The following DYNC1H1 variants were observed in gnomAD, a reference collection of about 807,000 sequenced individuals.
DYNC1H1 encodes cytoplasmic dynein 1 heavy chain 1.
Under a neutral mutation model 527.1 loss-of-function variants are expected in DYNC1H1, and 51 were observed. That is an observed-to-expected ratio of 0.10 (90% CI 0.08 to 0.12). The LOEUF (loss-of-function observed/expected upper bound fraction) is 0.12. Ranked by LOEUF, DYNC1H1 falls within the 10% of genes least tolerant of loss-of-function variation. The pLI is 1.00. For synonymous variants in DYNC1H1, 2,189 were observed against 2,278.8 expected, an observed-to-expected ratio of 0.96 and a Z score of 1.12; for missense variants, 2,771 against 5,971.8, an observed-to-expected ratio of 0.46 and a Z score of 17.66.
chr14:102,020,238 G>T lies in DYNC1H1; in HGVS notation c.8507+182G>T, dbSNP rs1334708393. Among the ~76,000 whole-genome samples, 4 of 152,230 alleles carry T rather than the reference G, an allele frequency of 2.6e-5. No individual in the cohort carries two copies. The South Asian group carries it at 6.2e-4, about 24-fold the overall frequency. On this transcript the variant is annotated intron_variant, in intron 42 of 77. Coordinates refer to ENST00000360184, the MANE Select transcript of DYNC1H1 (RefSeq NM_001376.5). The surrounding 1 kb of genome is among the most constrained non-coding windows in gnomAD (Gnocchi z 4.3). ...TGGACACTGGTCACAGTTGCCCCAG[G>T]GTAACAAAGTCACAGTGCGCTGAAT...
intron 23 of DYNC1H1, among the ~76,000 whole-genome samples, chr14:102,003,835 A>G (rs1309227326): frequency 1.3e-5 from 2 of 152,126 alleles, no homozygotes; most frequent in Non-Finnish European, 2.9e-5. Flanking sequence ...CTGTGGCTAG[A>G]GAATCTCTTG....
intron 69 of DYNC1H1, chr14:102,043,394 G>T: frequency 3.8e-6 from 1 of 265,358 alleles, no homozygotes; most frequent in African/African-American, 2.2e-5. Context: ...TGATTATGGG[G>T]TGTGATGAGG....
At position 102,044,927 on chromosome 14, in the gene DYNC1H1, C is replaced by T; in HGVS notation, c.13006+229C>T. Reference sequence around the variant, plus strand: ...GGAAAGAACTGGCTCTTCTCTGCAGCATCAACTCAGTTCTAGAGAAAAGGC... The same window carrying T: ...GGAAAGAACTGGCTCTTCTCTGCAGTATCAACTCAGTTCTAGAGAAAAGGC... On this transcript the variant is annotated intron_variant, in intron 72 of 77. Coordinates refer to ENST00000360184, the MANE Select transcript of DYNC1H1 (RefSeq NM_001376.5). The surrounding 1 kb of genome is among the most constrained non-coding windows in gnomAD (Gnocchi z 7.1). 1.7e-6 allele frequency: 1 copy of T among 590,916 alleles called. No homozygotes were observed. Among genetic ancestry groups the T allele is most frequent in the South Asian group, 2.0e-5 (1 of 50,870 alleles). 36.6% of individuals were successfully genotyped at this position (590,916 alleles called of 1,614,324 possible). A position where few individuals can be genotyped will look rare whatever the true frequency, so the allele number is the denominator to read the frequency against.
chr14:102,018,567 A>G lies in DYNC1H1; in HGVS notation c.8294A>G (p.Tyr2765Cys). 1 of 1,614,106 alleles carries G rather than the reference A, an allele frequency of 6.2e-7. No homozygotes were observed. The highest frequency in any genetic ancestry group is 8.5e-7 in the Non-Finnish European group (1 of 1,180,038). Residue 2765 changes from tyrosine (Y) to cysteine (C), a missense_variant, in exon 41 of 78, where the codon TAT becomes TGT. Transcript: ENST00000360184. This position sits in a 1 kb window ranked among gnomAD's most constrained non-coding sequence, Gnocchi z 5.2. ...MLRLIPSLRT[Y>C]AEPLTAAMVE... The stretch of plus-strand genomic sequence containing the variant: ...AGGCTCATTCCATCCCTGCGGACGT[A>G]TGCAGAGCCGCTCACTGCTGCCATG...
rs759084942 is a variant in DYNC1H1 at position 102,042,180 on chromosome 14, A to G, written c.12215-48A>G. On this transcript the variant is annotated intron_variant, in intron 66 of 77. Transcript: ENST00000360184. This position sits in a 1 kb window ranked among gnomAD's most constrained non-coding sequence, Gnocchi z 5.7. ...GAGCCCTGCAGGATTTGTGGTGGGC[A>G]TTGATGTCCGAGGCTGCCGCTGCTA... 2 of 1,613,844 alleles carry G rather than the reference A, an allele frequency of 1.2e-6. No homozygotes were observed. Among genetic ancestry groups the G allele is most frequent in the South Asian group, 1.1e-5 (1 of 91,084 alleles).
chr14:102,034,594 A>T (rs1215558330), intron 56 of DYNC1H1, 142 bp downstream of exon 56: 1 of 1,327,066 alleles, frequency 7.5e-7, no homozygotes, highest in Non-Finnish European at 1.1e-6. Context: ...TGCTCCTCTG[A>T]TGGTGGGGCG....
chr14:102,010,555 T>TCA lies in DYNC1H1; in HGVS notation c.6405+99_6405+100dup, dbSNP rs2048246645. The TCA allele has an allele frequency of 6.5e-7, 1 of 1,547,446 alleles. No individual in the cohort carries two copies. Among genetic ancestry groups the TCA allele is most frequent in the Non-Finnish European group, 8.8e-7 (1 of 1,139,418 alleles). On this transcript the variant is annotated intron_variant, in intron 31 of 77. Transcript: ENST00000360184. This position sits in a 1 kb window ranked among gnomAD's most constrained non-coding sequence, Gnocchi z 6.0. ...ATGACTTGTGAGTTCTTCTTGCAGTTCACATGTCTTGGGATGGCTGAAATA... is the reference window on the plus strand; with the variant it reads ...ATGACTTGTGAGTTCTTCTTGCAGTTCACACATGTCTTGGGATGGCTGAAATA...
In DYNC1H1 at chr14:102,006,112, C is replaced by T. The variant is rs779764262; in HGVS notation, c.5658C>T (p.Asp1886=). 6.2e-7 allele frequency: 1 copy of T among 1,614,218 alleles called. No homozygotes were observed. Among genetic ancestry groups the T allele is most frequent in the Non-Finnish European group, 8.5e-7 (1 of 1,180,036 alleles). ...QDKLVQTPLT[D]RCYLTMTQAL... ...AACTGGTCCAGACCCCCCTCACTGA[C>T]CGCTGCTATTTGACAATGACACAAG... Residue 1886 remains aspartate (D), a synonymous_variant, in exon 27 of 78, where the codon GAC becomes GAT. Transcript: ENST00000360184.
chr14:102,033,753 G>A lies in DYNC1H1; in HGVS notation c.10414-223G>A, dbSNP rs2048537370. ...GACCTGTTTGCTCTGCTGCCTGAGG[G>A]CCTCGCTCCGTACCCAGCTTCTGCC... is the stretch of plus-strand genomic sequence containing the variant. On this transcript the variant is annotated intron_variant, in intron 54 of 77. Coordinates refer to ENST00000360184, the MANE Select transcript of DYNC1H1 (RefSeq NM_001376.5). This position sits in a 1 kb window ranked among gnomAD's most constrained non-coding sequence, Gnocchi z 5.6. The A allele has an allele frequency of 1.5e-6, 1 of 680,832 alleles. No homozygotes were observed. The highest frequency in any genetic ancestry group is 2.4e-5 in the Admixed American group (1 of 41,386). The allele number at this position is 680,832 out of a possible 1,614,324, so 42.2% of individuals were successfully genotyped here. A position where few individuals can be genotyped will look rare whatever the true frequency, so the allele number is the denominator to read the frequency against.
Position 101,986,907 on chromosome 14 carries a change from C to A in DYNC1H1, c.2538+144C>A. 6 of 1,037,010 alleles carry A rather than the reference C, an allele frequency of 5.8e-6. No homozygotes were observed. The South Asian group carries it at 7.8e-5, about 13-fold the overall frequency. 64.2% of individuals were successfully genotyped at this position (1,037,010 alleles called of 1,614,324 possible). ...ATGTGAGCTGCAAGGGAGGAGGACC[C>A]TTTGTACTCACCGGGCTATTTAATG... On this transcript the variant is annotated intron_variant, in intron 8 of 77. Coordinates refer to ENST00000360184, the MANE Select transcript of DYNC1H1 (RefSeq NM_001376.5). The surrounding 1 kb of genome is among the most constrained non-coding windows in gnomAD (Gnocchi z 8.7).
At chr14:102,021,649 T>A (rs2048385521) in intron 42 of DYNC1H1, among the ~76,000 whole-genome samples, 1 of 146,472 alleles carries the variant, frequency 6.8e-6, no homozygotes, top group Non-Finnish European at 1.5e-5. Context: ...ATTTCTTTTT[T>A]CTTTTTCTTT....
In DYNC1H1 at chr14:102,001,561, A is replaced by G. The variant is rs1210367649; in HGVS notation, c.4422A>G (p.Glu1474=). Reference sequence around the variant, plus strand: ...TAAGAGAAGTGTGGAATACTTATGAACTAGACTTGGTTAATTATCAGAACA... The same window carrying G: ...TAAGAGAAGTGTGGAATACTTATGAGCTAGACTTGGTTAATTATCAGAACA... ...KQIREVWNTY[E]LDLVNYQNKC... The change falls in exon 21 of 78, where the codon GAA becomes GAG. Residue 1474 remains glutamate, a synonymous_variant. Coordinates refer to ENST00000360184, the MANE Select transcript of DYNC1H1 (RefSeq NM_001376.5). The surrounding 1 kb of genome is among the most constrained non-coding windows in gnomAD (Gnocchi z 5.0). 3 of 1,614,048 alleles carry G rather than the reference A, an allele frequency of 1.9e-6. No homozygotes were observed. The highest frequency in any genetic ancestry group is 2.5e-6 in the Non-Finnish European group (3 of 1,180,032).
At position 102,039,783 on chromosome 14, in the gene DYNC1H1, A is replaced by G. The variant is rs1424000692; in HGVS notation, c.11690+51A>G. ...GATGCCATATTGCTGGTGGCCCCCAAGGGTTTCATGATCAGATACATGCTT... is the reference window on the plus strand; with the variant it reads ...GATGCCATATTGCTGGTGGCCCCCAGGGGTTTCATGATCAGATACATGCTT... On this transcript the variant is annotated intron_variant, in intron 62 of 77. Transcript: ENST00000360184. This position sits in a 1 kb window ranked among gnomAD's most constrained non-coding sequence, Gnocchi z 7.0. 16 of 1,582,512 alleles carry G rather than the reference A, an allele frequency of 1.0e-5. No homozygotes were observed. Among genetic ancestry groups the G allele is most frequent in the Non-Finnish European group, 1.4e-5 (16 of 1,151,666 alleles).
Position 102,042,688 on chromosome 14 carries a change from A to G in DYNC1H1, c.12453A>G (p.Pro4151=). Residue 4151 remains proline, a synonymous_variant, in exon 69 of 78, where the codon CCA becomes CCG. Coordinates refer to ENST00000360184, the MANE Select transcript of DYNC1H1 (RefSeq NM_001376.5). This position sits in a 1 kb window ranked among gnomAD's most constrained non-coding sequence, Gnocchi z 5.7. ...AGRIFVFEPP[P]GVKANMLRTF... Reference sequence around the variant, plus strand: ...GCATCTTTGTGTTCGAGCCACCGCCAGGGGTGAAGGCCAACATGCTGAGGA... The same window carrying G: ...GCATCTTTGTGTTCGAGCCACCGCCGGGGGTGAAGGCCAACATGCTGAGGA... The G allele has an allele frequency of 6.2e-7, 1 of 1,614,202 alleles. No homozygotes were observed. Among genetic ancestry groups the G allele is most frequent in the Non-Finnish European group, 8.5e-7 (1 of 1,180,040 alleles).
rs1399803332 is a variant in DYNC1H1, at chr14:102,055,677, CCCT to C, written c.*5120_*5122del. 1 of 152,518 alleles carries C rather than the reference CCCT, an allele frequency of 6.6e-6. No homozygotes were observed. Among genetic ancestry groups the C allele is most frequent in the Non-Finnish European group, 1.5e-5 (1 of 68,250 alleles). The allele number at this position is 152,518 out of a possible 1,614,324, so 9.4% of individuals were successfully genotyped here. A position where few individuals can be genotyped will look rare whatever the true frequency, so the allele number is the denominator to read the frequency against. The stretch of plus-strand genomic sequence containing the variant: ...GTCCAAGGTAAAACCCTGAGGTTGT[CCCT>C]CCTCCGCGGCACCTCCAGGTATCTG... On this transcript the variant is annotated 3_prime_UTR_variant, in exon 78 of 78. Transcript: ENST00000360184.
At position 102,047,566 on chromosome 14, in the gene DYNC1H1, T is replaced by C. The variant is rs866759997; in HGVS notation, c.13007-251T>C. 2.1e-4 allele frequency: 58 copies of C among 274,316 alleles called. 1 individual carries two copies. The highest frequency in any genetic ancestry group is 5.4e-4 in the South Asian group (12 of 22,242). 17.0% of individuals were successfully genotyped at this position (274,316 alleles called of 1,614,324 possible). A position where few individuals can be genotyped will look rare whatever the true frequency, so the allele number is the denominator to read the frequency against. On this transcript the variant is annotated intron_variant, in intron 72 of 77. Transcript: ENST00000360184. Reference sequence around the variant, plus strand: ...ATATATATATACACACACACACACATATATATATACATACACATACGTATA... The same window carrying C: ...ATATATATATACACACACACACACACATATATATACATACACATACGTATA...
intron 1 of DYNC1H1, among the ~76,000 whole-genome samples, chr14:101,972,169 A>G (rs1025413252): frequency 5.9e-5 from 9 of 152,124 alleles, no homozygotes; most frequent in Non-Finnish European, 1.2e-4. Flanking sequence ...CCTCTTTGTT[A>G]TTAAGAATTA....
In DYNC1H1 at chr14:102,041,886, A is replaced by C; in HGVS notation, c.12103-127A>C. On this transcript the variant is annotated intron_variant, in intron 65 of 77. Coordinates refer to ENST00000360184, the MANE Select transcript of DYNC1H1 (RefSeq NM_001376.5). The surrounding 1 kb of genome is among the most constrained non-coding windows in gnomAD (Gnocchi z 4.5). ...CTGCAGATTCTCAACTCCTGGCTGC[A>C]TGGTGCCCACACCTCTGGGCCCAGA... The C allele has an allele frequency of 2.7e-6, 4 of 1,497,988 alleles. No individual in the cohort carries two copies. Among genetic ancestry groups the C allele is most frequent in the Non-Finnish European group, 3.7e-6 (4 of 1,091,828 alleles). 92.8% of individuals were successfully genotyped at this position (1,497,988 alleles called of 1,614,324 possible).
At chr14:101,998,281 C>T (rs566951553) in intron 16 of DYNC1H1, among the ~76,000 whole-genome samples, 8 of 140,572 alleles carry the variant, frequency 5.7e-5, no homozygotes, top group African/African-American at 1.9e-4. Flanking sequence ...AACGCTGATC[C>T]GATAACACAA....
Sources: gnomAD v4.1 joint callset for allele counts (sites outside exome capture counted in the v4.1 genomes callset) on GRCh38, gnomAD v4.1.1 for gene constraint, Gnocchi (gnomAD v3.1) non-coding constraint, MANE v1.5 for transcripts, NCBI Gene and HGNC (gene_info 2026-07-23, HGNC 2026-07-21) for gene names.